CFAP46: variants seen among roughly 807,000 people sequenced by gnomAD.
CFAP46 encodes cilia- and flagella-associated protein 46.
CFAP46 carries 245 observed loss-of-function variants against 325.7 expected under a neutral mutation model. The observed-to-expected ratio is 0.75, with a 90% CI of 0.68 to 0.84. The LOEUF is 0.84. CFAP46 is among the 40% of genes least tolerant of loss of function. The probability of loss-of-function intolerance (pLI) is 0.00; values close to 1 mark genes in which losing one functional copy is unlikely to be tolerated. For missense variants in CFAP46, 3,346 were observed against 3,543.0 expected (o/e 0.94, Z 1.41); for synonymous variants, 1,523 against 1,495.9 (o/e 1.02, Z -0.42).
Position 132,880,949 on chromosome 10 carries a change from G to T in CFAP46, c.3711C>A (p.Asp1237Glu), listed in dbSNP as rs764937136. The T allele has an allele frequency of 1.3e-6, 2 of 1,550,476 alleles. No individual in the cohort carries two copies. The highest frequency in any genetic ancestry group is 1.7e-6 in the Non-Finnish European group (2 of 1,146,956). Residue 1237 changes from aspartate (D) to glutamate (E), a missense_variant, in exon 28 of 58, where the codon GAC (aspartate) becomes GAA (glutamate). Asp to Glu is a conservative substitution (Grantham distance 45). Transcript: ENST00000368586. ...CAGCCCAGCGGAGGTGGAAGACCACGTCCTCGAGAGGAAAGTGTCTGTGAT... is the reference window on the plus strand; with the variant it reads ...CAGCCCAGCGGAGGTGGAAGACCACTTCCTCGAGAGGAAAGTGTCTGTGAT... ...WLHHRHFPLE[D>E]VVFHLRWAVE...
intron 43 of CFAP46, among the ~76,000 whole-genome samples, chr10:132,846,620 G>A (rs938438164): frequency 6.6e-6 from 1 of 151,578 alleles, no homozygotes; most frequent in African/African-American, 2.4e-5. Flanking sequence ...GCTGGCCTGC[G>A]ACTGCCGGGT....
intron 50 of CFAP46, among the ~76,000 whole-genome samples, chr10:132,820,653 GCTGATGTGTGCTGTGTGTGCA>G (rs1847779832): frequency 1.4e-5 from 2 of 142,334 alleles, no homozygotes. Context: ...TGCTGTGAGT[GCTGATGTGTGCTGTGTGTGCA>G]CTGATGTGTG....
intron 9 of CFAP46, among the ~76,000 whole-genome samples, chr10:132,926,995 G>T (rs1175365736): frequency 1.3e-5 from 2 of 152,186 alleles, no homozygotes; most frequent in East Asian, 3.9e-4. Flanking sequence ...GGGCTGCGCT[G>T]AAGTCTGGGA....
chr10:132,879,021 G>A (rs555072036), intron 29 of CFAP46, among the ~76,000 whole-genome samples: 35 of 152,280 alleles, frequency 2.3e-4, no homozygotes, highest in African/African-American at 7.0e-4. Flanking sequence ...AGGAGCTGTC[G>A]GGCCCCAGCT....
At chr10:132,934,269 G>A (rs1000872940) in intron 8 of CFAP46, among the ~76,000 whole-genome samples, 42 of 23,164 alleles carry the variant, frequency 1.8e-3, no homozygotes, top group African/African-American at 5.8e-3. Context: ...CACCCACCCC[G>A]TGCCCACGAA....
chr10:132,901,773 T>C (rs186182786), intron 22 of CFAP46, among the ~76,000 whole-genome samples: 47 of 152,380 alleles, frequency 3.1e-4, no homozygotes, highest in African/African-American at 9.1e-4. Context: ...GAGGATCTGC[T>C]GGGAATGGAT....
chr10:132,834,665 G>A lies in CFAP46; in HGVS notation c.6855C>T (p.Leu2285=). 6.2e-7 allele frequency: 1 copy of A among 1,613,438 alleles called. No individual in the cohort carries two copies. Among genetic ancestry groups the A allele is most frequent in the Non-Finnish European group, 8.5e-7 (1 of 1,179,958 alleles). The change falls in exon 48 of 58, where the codon CTC becomes CTT. Residue 2285 remains leucine, a synonymous_variant. Coordinates refer to ENST00000368586, the MANE Select transcript of CFAP46 (RefSeq NM_001200049.3). ...LLQPLFPLLS[L]SKARVQTPAV... is the part of the protein sequence containing the mutation. Reference sequence around the variant, plus strand: ...GTCATCCCCAGTACCTGGCCTTGGAGAGGCTGAGCAGGGGGAATAGCGGCT... The same window carrying A: ...GTCATCCCCAGTACCTGGCCTTGGAAAGGCTGAGCAGGGGGAATAGCGGCT...
rs187039067 is a variant in CFAP46 at position 132,869,741 on chromosome 10, G to C, written c.4512-369C>G. Among the ~76,000 whole-genome samples, 355 of 152,236 alleles carry C rather than the reference G, an allele frequency of 2.3e-3. 2 individuals are homozygous for C. Among genetic ancestry groups the C allele is most frequent in the African/African-American group, 8.2e-3 (339 of 41,542 alleles). Reference sequence around the variant, plus strand: ...TTGTAAAATGCTTTCAGGCAAGCAGGAAAGTTGCACAGACACCAGGAAGCA... The same window carrying C: ...TTGTAAAATGCTTTCAGGCAAGCAGCAAAGTTGCACAGACACCAGGAAGCA... On this transcript the variant is annotated intron_variant, in intron 32 of 57. Transcript: ENST00000368586. This position sits in a 1 kb window ranked among gnomAD's most constrained non-coding sequence, Gnocchi z 6.2.
At chr10:132,894,961 G>A (rs777909920) in intron 24 of CFAP46, among the ~76,000 whole-genome samples, 1 of 152,132 alleles carries the variant, frequency 6.6e-6, no homozygotes, top group Non-Finnish European at 1.5e-5. Flanking sequence ...ACCCTATGAG[G>A]CCAGCATTAC....
intron 50 of CFAP46, among the ~76,000 whole-genome samples, chr10:132,822,758 T>G (rs1305533326): frequency 1.0e-5 from 1 of 98,130 alleles, no homozygotes; most frequent in African/African-American, 3.5e-5. Flanking sequence ...GCTGTGTGAG[T>G]GCTGATGTGT....
intron 11 of CFAP46, 37 bp from the exon 12 acceptor site, chr10:132,922,745 G>T: frequency 6.7e-7 from 1 of 1,488,722 alleles, no homozygotes; most frequent in Non-Finnish European, 9.1e-7. Flanking sequence ...CCCTGGCGGC[G>T]CTGCGCCTCT....
At chr10:132,941,083 A>G (rs1253719885) in intron 3 of CFAP46, 23 bp from the exon 4 acceptor site, 1 of 1,613,400 alleles carries the variant, frequency 6.2e-7, no homozygotes, top group South Asian at 1.1e-5. Flanking sequence ...AAAGAAGCAC[A>G]ATTAGACCGA....
chr10:132,893,508 C>G (rs528287215), intron 24 of CFAP46, among the ~76,000 whole-genome samples: 1 of 152,236 alleles, frequency 6.6e-6, no homozygotes, highest in African/African-American at 2.4e-5. Flanking sequence ...AACACTCTCT[C>G]GCTTCACTAA....
At position 132,939,141 on chromosome 10, in the gene CFAP46, G is replaced by A. The variant is rs74347220; in HGVS notation, c.372-388C>T. On this transcript the variant is annotated intron_variant, in intron 4 of 57. Transcript: ENST00000368586. This position sits in a 1 kb window ranked among gnomAD's most constrained non-coding sequence, Gnocchi z 4.6. Reference sequence around the variant, plus strand: ...TGACTCTCAAGGGATAGACAAGAATGGGCAAGGACAGAGGGAATCAAGGAA... The same window carrying A: ...TGACTCTCAAGGGATAGACAAGAATAGGCAAGGACAGAGGGAATCAAGGAA... Among the ~76,000 whole-genome samples the A allele has an allele frequency of 0.015, 2,250 of 152,302 alleles. 25 individuals carry two copies. The highest frequency in any genetic ancestry group is 0.018 in the Non-Finnish European group (1,196 of 68,008).
Position 132,912,792 on chromosome 10 carries a change from T to C in CFAP46, c.2362A>G (p.Asn788Asp), listed in dbSNP as rs1474628741. 6.5e-7 allele frequency: 1 copy of C among 1,549,860 alleles called. No individual in the cohort carries two copies. The highest frequency in any genetic ancestry group is 8.7e-7 in the Non-Finnish European group (1 of 1,146,986). The change falls in exon 19 of 58, where the codon AAC becomes GAC. Residue 788 changes from asparagine to aspartate, a missense_variant. Physicochemically the swap from Asn to Asp is conservative, Grantham distance 23. Coordinates refer to ENST00000368586, the MANE Select transcript of CFAP46 (RefSeq NM_001200049.3). ...ATGATCAGGCCTCGCGCCAAGGTGT[T>C]GCAGAGCGTCACCAGCATCACGGGG... ...GDPVMLVTLCNTLARGLIISW... is the reference protein window; with the variant it reads ...GDPVMLVTLCDTLARGLIISW...
At chr10:132,835,522 G>C in intron 46 of CFAP46, 88 bp from the exon 47 acceptor site, 1 of 1,521,938 alleles carries the variant, frequency 6.6e-7, no homozygotes, top group South Asian at 1.2e-5. Flanking sequence ...GAAAAGGGCT[G>C]CTGTCCCACA....
chr10:132,933,612 C>T (rs925520708), intron 8 of CFAP46, among the ~76,000 whole-genome samples: 6 of 152,258 alleles, frequency 3.9e-5, no homozygotes, highest in Non-Finnish European at 7.3e-5. Context: ...TGTGCCCCTG[C>T]GGCCCAGGCT....
chr10:132,833,796 T>C (rs1848191609), intron 49 of CFAP46, among the ~76,000 whole-genome samples: 1 of 151,964 alleles, frequency 6.6e-6, no homozygotes, highest in African/African-American at 2.4e-5. Flanking sequence ...CTGTGCTGGG[T>C]TCCGTGGTGC....
intron 3 of CFAP46, 123 bp downstream of exon 3, chr10:132,941,468 G>T: frequency 1.5e-6 from 2 of 1,315,956 alleles, no homozygotes; most frequent in Non-Finnish European, 2.1e-6. Context: ...GTGTCACTCT[G>T]GAAAGGAATT....
Sources: gnomAD v4.1 joint callset for allele counts (sites outside exome capture counted in the v4.1 genomes callset) on GRCh38, gnomAD v4.1.1 for gene constraint, Gnocchi (gnomAD v3.1) non-coding constraint, MANE v1.5 for transcripts, NCBI Gene and HGNC (gene_info 2026-07-23, HGNC 2026-07-21) for gene names.